TNIP3: variants seen among roughly 807,000 people sequenced by gnomAD.
TNIP3 encodes TNFAIP3-interacting protein 3.
A neutral mutation model predicts 54.1 loss-of-function variants in TNIP3; 34 were observed. That is an observed-to-expected ratio of 0.63 (90% confidence interval 0.48 to 0.84). TNIP3 has a LOEUF of 0.84. Ranked by LOEUF, TNIP3 falls within the 40% of genes least tolerant of loss-of-function variation. The pLI is 0.00. For synonymous variants in TNIP3, 134 were observed against 136.8 expected (o/e 0.98, Z 0.14); for missense variants, 366 against 387.6 (o/e 0.94, Z 0.47).
chr4:121,177,716 A>T (rs988069275), intron 3 of TNIP3, among the ~76,000 whole-genome samples: 1 of 152,148 alleles, frequency 6.6e-6, no homozygotes, highest in Non-Finnish European at 1.5e-5. Context: ...CCAAATAGAA[A>T]TTTTCTTATA....
chr4:121,146,822 A>T (rs1206139480), intron 7 of TNIP3, among the ~76,000 whole-genome samples: 1 of 152,186 alleles, frequency 6.6e-6, no homozygotes, highest in Non-Finnish European at 1.5e-5. Context: ...ATTAAAAAAA[A>T]CTTTGGAATG....
intron 3 of TNIP3, among the ~76,000 whole-genome samples, chr4:121,172,177 A>G (rs111461182): frequency 0.025 from 3,845 of 152,274 alleles, 160 homozygotes; most frequent in African/African-American, 0.086. Flanking sequence ...CCACACCACC[A>G]TGGTACACGG....
intron 5 of TNIP3, 36 bp downstream of exon 5, chr4:121,154,515 C>T (rs750810279): frequency 6.2e-7 from 1 of 1,610,734 alleles, no homozygotes; most frequent in East Asian, 2.2e-5. Context: ...GCAGGGACTT[C>T]TCATTTTAAT....
At chr4:121,185,280 C>T (rs1256389109) in intron 2 of TNIP3, among the ~76,000 whole-genome samples, 2 of 152,192 alleles carry the variant, frequency 1.3e-5, no homozygotes, top group Non-Finnish European at 2.9e-5. Flanking sequence ...CCACTCCAGG[C>T]CTTGGTGTTT....
rs79814774 is a variant in TNIP3 at position 121,211,431 on chromosome 4, C to T, written c.68+4984G>A. On this transcript the variant is annotated intron_variant, in intron 2 of 12. Coordinates refer to the TNIP3 transcript ENST00000507879. ...CTACAAGGGATGAAAACTCAACTCA[C>T]TGAGGATATTACATTTAAATTTTCA... Among the ~76,000 whole-genome samples the T allele has an allele frequency of 6.0e-3, 916 of 152,264 alleles. 5 individuals are homozygous for T. Among genetic ancestry groups the T allele is most frequent in the Non-Finnish European group, 9.8e-3 (664 of 68,012 alleles).
intron 2 of TNIP3, among the ~76,000 whole-genome samples, chr4:121,215,938 CTT>C (rs936752594): frequency 6.7e-6 from 1 of 148,200 alleles, no homozygotes; most frequent in African/African-American, 2.5e-5. Context: ...TTAAAAAAAA[CTT>C]TGAAAGATTG....
intron 1 of TNIP3, 21 bp downstream of exon 1, chr4:121,164,038 TC>T (rs930612883): frequency 1.2e-6 from 2 of 1,612,800 alleles, no homozygotes; most frequent in African/African-American, 2.7e-5. Flanking sequence ...GATCAACTCA[TC>T]TCCTAGAAAT....
chr4:121,164,506 C>T (rs1025026660), upstream of TNIP3, among the ~76,000 whole-genome samples: 9 of 152,330 alleles, frequency 5.9e-5, no homozygotes, highest in East Asian at 9.7e-4. Flanking sequence ...TTCTCCACCA[C>T]AGAAAGCCTG....
chr4:121,222,509 C>T (rs6835704), intron 1 of TNIP3, among the ~76,000 whole-genome samples: 87,228 of 151,954 alleles, frequency 0.57, 25,529 homozygotes, highest in South Asian at 0.76. Context: ...GTAAGGATAA[C>T]ACTTCCCTTC....
chr4:121,173,950 T>C (rs1724145047), intron 3 of TNIP3, among the ~76,000 whole-genome samples: 2 of 152,180 alleles, frequency 1.3e-5, no homozygotes, highest in South Asian at 4.1e-4. Context: ...ATTCTTGTAT[T>C]AAATACTTAT....
chr4:121,218,644 C>G (rs1323793627), upstream of TNIP3, among the ~76,000 whole-genome samples: 3 of 151,196 alleles, frequency 2.0e-5, no homozygotes, highest in African/African-American at 7.3e-5. Context: ...CTCTCTGTCT[C>G]TCTTTCTTTT....
upstream of TNIP3, among the ~76,000 whole-genome samples, chr4:121,165,387 T>C (rs1266241214): frequency 6.6e-6 from 1 of 152,094 alleles, no homozygotes; most frequent in Non-Finnish European, 1.5e-5. Context: ...GTCTCCTCTC[T>C]GGGCCCTCCA....
At chr4:121,148,922 C>T (rs188639198) in intron 6 of TNIP3, among the ~76,000 whole-genome samples, 1 of 152,232 alleles carries the variant, frequency 6.6e-6, no homozygotes, top group East Asian at 1.9e-4. Context: ...TCTATGACAC[C>T]CTGTCTCCCA....
chr4:121,187,969 T>C (rs1217215170), intron 2 of TNIP3, among the ~76,000 whole-genome samples: 1 of 152,154 alleles, frequency 6.6e-6, no homozygotes, highest in African/African-American at 2.4e-5. Context: ...CCAGGAATTA[T>C]AAAAATTCAG....
At chr4:121,198,835 A>AAAG (rs1171847258) in intron 2 of TNIP3, among the ~76,000 whole-genome samples, 1 of 152,216 alleles carries the variant, frequency 6.6e-6, no homozygotes, top group Non-Finnish European at 1.5e-5. Flanking sequence ...CTGTTCTTTC[A>AAAG]AAGTAATGAT....
chr4:121,176,275 A>G (rs1579443872), intron 3 of TNIP3, among the ~76,000 whole-genome samples: 2 of 152,216 alleles, frequency 1.3e-5, no homozygotes, highest in Non-Finnish European at 1.5e-5. Flanking sequence ...CAGGCTCCTC[A>G]CTGCCTGAGA....
chr4:121,183,849 A>T (rs1724855010), intron 2 of TNIP3, among the ~76,000 whole-genome samples: 2 of 151,866 alleles, frequency 1.3e-5, no homozygotes, highest in Admixed American at 1.3e-4. Context: ...TTGCAGAAAA[A>T]CAAGCTCAGG....
intron 1 of TNIP3, among the ~76,000 whole-genome samples, chr4:121,163,214 G>C (rs1730564305): frequency 1.3e-5 from 2 of 152,130 alleles, no homozygotes; most frequent in African/African-American, 2.4e-5. Context: ...AGTCACAAAT[G>C]TATCACCAAA....
intron 3 of TNIP3, among the ~76,000 whole-genome samples, chr4:121,171,415 T>C (rs1029817458): frequency 2.0e-5 from 3 of 152,352 alleles, no homozygotes; most frequent in East Asian, 3.9e-4. Flanking sequence ...TTCATGTTCA[T>C]GGCAGAATTT....
Sources: allele counts gnomAD v4.1 joint callset (sites outside exome capture counted in the v4.1 genomes callset), GRCh38; gene constraint gnomAD v4.1.1; transcripts MANE v1.5; gene names NCBI Gene and HGNC (gene_info 2026-07-23, HGNC 2026-07-21).